Variants in LEMD1 observed in about 807,000 individuals in gnomAD.
The protein encoded by LEMD1 is LEM domain-containing protein 1.
Under a neutral mutation model 17.4 loss-of-function variants are expected in LEMD1, and 18 were observed. That is an observed-to-expected ratio of 1.04 (90% confidence interval 0.72 to 1.54). The LOEUF (loss-of-function observed/expected upper bound fraction) is 1.54, where lower values mean the gene tolerates loss of function less well. LEMD1 is among the 40% of genes most tolerant of loss of function. The pLI is 0.00. For synonymous variants in LEMD1, 88 were observed against 77.8 expected, an observed-to-expected ratio of 1.13 and a Z score of -0.69; for missense variants, 195 against 210.4, an observed-to-expected ratio of 0.93 and a Z score of 0.45.
rs5780280 is a variant in LEMD1 at position 205,420,949 on chromosome 1, GTT to G, written c.-38-377_-38-376del. Among the ~76,000 whole-genome samples, 386 of 139,664 alleles carry G rather than the reference GTT, an allele frequency of 2.8e-3. 1 individual carries two copies. Among genetic ancestry groups the G allele is most frequent in the African/African-American group, 9.0e-3 (351 of 38,834 alleles). The allele number at this position is 139,664 out of a possible 152,430, so 91.6% of individuals were successfully genotyped here. ...TAATTAAATATGAAAGAGCTGAGAG[GTT>G]TTTTTTTTTTTTTTAGTGAGTTAAA... On this transcript the variant is annotated intron_variant, in intron 1 of 5. Coordinates refer to ENST00000367153, the MANE Select transcript of LEMD1 (RefSeq NM_001199050.2).
upstream of LEMD1, among the ~76,000 whole-genome samples, chr1:205,422,991 G>A (rs1666002388): frequency 6.6e-6 from 1 of 152,202 alleles, no homozygotes; most frequent in Non-Finnish European, 1.5e-5. Flanking sequence ...TACACATAAA[G>A]TGCTTGGCAC....
At chr1:205,395,698 G>A (rs1015653862) in intron 4 of LEMD1, among the ~76,000 whole-genome samples, 1 of 150,830 alleles carries the variant, frequency 6.6e-6, no homozygotes, top group Non-Finnish European at 1.5e-5. Flanking sequence ...AGAGTAAAAA[G>A]ACAAACCAAA....
rs200302613 is a variant in LEMD1 at position 205,404,676 on chromosome 1, T to G, written c.270+11556A>C. Among the ~76,000 whole-genome samples, 151 of 152,362 alleles carry G rather than the reference T, an allele frequency of 9.9e-4. No individual in the cohort carries two copies. In the East Asian group the frequency reaches 0.013, roughly 13 times the overall value. ...ATCCAATTTGCTAGTCTGTGTCTTTTAATTGGAGCATTTAGTCCATTTACA... is the reference window on the plus strand; with the variant it reads ...ATCCAATTTGCTAGTCTGTGTCTTTGAATTGGAGCATTTAGTCCATTTACA... On this transcript the variant is annotated intron_variant, in intron 4 of 5. Coordinates refer to ENST00000367153, the MANE Select transcript of LEMD1 (RefSeq NM_001199050.2).
intron 3 of LEMD1, 30 bp downstream of exon 3, chr1:205,419,200 G>A (rs1665838506): frequency 6.2e-7 from 1 of 1,608,892 alleles, no homozygotes; most frequent in Admixed American, 1.7e-5. Flanking sequence ...GTGCAAAGTT[G>A]CCATCTAGCA....
At chr1:205,390,356 A>T (rs969526014) in intron 4 of LEMD1, among the ~76,000 whole-genome samples, 1 of 135,644 alleles carries the variant, frequency 7.4e-6, no homozygotes, top group Admixed American at 7.2e-5. Context: ...CTCTCTCTCT[A>T]AAAAAAAAAA....
At chr1:205,419,377 T>C (rs775725439) in intron 2 of LEMD1, 25 bp from the exon 3 acceptor site, 1 of 1,613,912 alleles carries the variant, frequency 6.2e-7, no homozygotes, top group Non-Finnish European at 8.5e-7. Context: ...GGAGAACAAA[T>C]TAAATTGTTC....
chr1:205,424,269 A>G (rs1666028432), upstream of LEMD1, among the ~76,000 whole-genome samples: 2 of 152,222 alleles, frequency 1.3e-5, no homozygotes, highest in African/African-American at 4.8e-5. Context: ...AGTCTCCACT[A>G]TGCAGGCAAA....
intron 4 of LEMD1, among the ~76,000 whole-genome samples, chr1:205,413,824 T>C (rs1210005450): frequency 6.6e-6 from 1 of 151,884 alleles, no homozygotes; most frequent in Non-Finnish European, 1.5e-5. Context: ...AGATAATTTT[T>C]TGTATTTTTA....
chr1:205,444,822 C>T (rs1666356061), intron 1 of LEMD1, among the ~76,000 whole-genome samples: 1 of 151,970 alleles, frequency 6.6e-6, no homozygotes. Context: ...CCCCACGACC[C>T]ATCCCTTCAT....
At chr1:205,433,251 G>A (rs1390775511) in intron 1 of LEMD1, among the ~76,000 whole-genome samples, 1 of 152,102 alleles carries the variant, frequency 6.6e-6, no homozygotes, top group Non-Finnish European at 1.5e-5. Context: ...AAGGTCAGGT[G>A]TTCGAGACCA....
At chr1:205,412,945 C>A (rs977996609) in intron 4 of LEMD1, among the ~76,000 whole-genome samples, 1 of 152,180 alleles carries the variant, frequency 6.6e-6, no homozygotes. Context: ...TTCTGCAGAA[C>A]TGAGGTTTAC....
intron 4 of LEMD1, among the ~76,000 whole-genome samples, chr1:205,393,162 A>C (rs1274845276): frequency 6.6e-6 from 1 of 152,180 alleles, no homozygotes; most frequent in Non-Finnish European, 1.5e-5. Flanking sequence ...CTCAAAAAGA[A>C]AAAGAAAACC....
In LEMD1 at chr1:205,403,213, C is replaced by T. The variant is rs1574967361; in HGVS notation, c.270+13019G>A. 2.6e-5 allele frequency among the ~76,000 whole-genome samples: 4 copies of T among 152,290 alleles called. 1 individual carries two copies. The highest frequency in any genetic ancestry group is 9.6e-5 in the African/African-American group (4 of 41,564). ...TTTGGTATCAGGATGGTACTGGCCTCATAAAATGAGTTAGGGAGGATTCCC... is the reference window on the plus strand; with the variant it reads ...TTTGGTATCAGGATGGTACTGGCCTTATAAAATGAGTTAGGGAGGATTCCC... On this transcript the variant is annotated intron_variant, in intron 4 of 5. Transcript: ENST00000367153.
At chr1:205,402,040 C>G (rs1664876710) in intron 4 of LEMD1, among the ~76,000 whole-genome samples, 1 of 152,120 alleles carries the variant, frequency 6.6e-6, no homozygotes, top group African/African-American at 2.4e-5. Flanking sequence ...TCTGAGGGCT[C>G]TGTTCTGTTC....
chr1:205,402,684 C>T (rs950320226), intron 4 of LEMD1, among the ~76,000 whole-genome samples: 14 of 151,572 alleles, frequency 9.2e-5, no homozygotes, highest in Non-Finnish European at 2.1e-4. Flanking sequence ...TAATTGAATA[C>T]CCTTTATTTC....
intron 4 of LEMD1, among the ~76,000 whole-genome samples, chr1:205,396,143 G>A (rs1055544728): frequency 6.6e-6 from 1 of 152,132 alleles, no homozygotes. Context: ...GATAAGCAAG[G>A]ATTGCAGCTG....
At chr1:205,432,926 A>G (rs955180995) in intron 1 of LEMD1, among the ~76,000 whole-genome samples, 3 of 152,188 alleles carry the variant, frequency 2.0e-5, no homozygotes, top group Admixed American at 2.0e-4. Context: ...TGAGAAGACC[A>G]CTTGAGCCTG....
At chr1:205,404,134 T>A (rs1320233804) in intron 4 of LEMD1, among the ~76,000 whole-genome samples, 1 of 152,206 alleles carries the variant, frequency 6.6e-6, no homozygotes, top group East Asian at 1.9e-4. Flanking sequence ...ATGTGGTCAA[T>A]TTTGAAATAG....
chr1:205,431,024 A>G (rs968540672), intron 1 of LEMD1, among the ~76,000 whole-genome samples: 2 of 152,136 alleles, frequency 1.3e-5, no homozygotes, highest in Non-Finnish European at 1.5e-5. Context: ...ATGCAGCAGG[A>G]GGAAGAGACT....
Sources: gnomAD v4.1 joint callset for allele counts (sites outside exome capture counted in the v4.1 genomes callset) on GRCh38, gnomAD v4.1.1 for gene constraint, MANE v1.5 for transcripts, NCBI Gene and HGNC (gene_info 2026-07-23, HGNC 2026-07-21) for gene names.